Variants in BDNF observed in about 807,000 individuals in gnomAD.
The protein encoded by BDNF is brain derived neurotrophic factor.
Under a neutral mutation model 19.5 loss-of-function variants are expected in BDNF, and 1 was observed. That is an observed-to-expected ratio of 0.05 (90% CI 0.02 to 0.24). The LOEUF (loss-of-function observed/expected upper bound fraction) is 0.24, where lower values mean the gene tolerates loss of function less well. BDNF is among the 10% of genes least tolerant of loss of function. The probability of loss-of-function intolerance (pLI) is 1.00; values close to 1 mark genes in which losing one functional copy is unlikely to be tolerated. For missense variants in BDNF, 195 were observed against 317.6 expected, an observed-to-expected ratio of 0.61 and a Z score of 2.93; for synonymous variants, 100 against 121.6, an observed-to-expected ratio of 0.82 and a Z score of 1.17.
At chr11:27,703,698 T>C (rs1400945739), upstream of BDNF, among the ~76,000 whole-genome samples, 1 of 152,194 alleles carries the variant, frequency 6.6e-6, no homozygotes, top group African/African-American at 2.4e-5. Flanking sequence ...GCAGTTTTAC[T>C]GAGGAAAAGA....
chr11:27,658,811 C>G lies in BDNF; in HGVS notation c.-21-226G>C. On this transcript the variant is annotated intron_variant, in intron 1 of 1. Transcript: ENST00000356660. This position sits in a 1 kb window ranked among gnomAD's most constrained non-coding sequence, Gnocchi z 5.7. Reference sequence around the variant, plus strand: ...ATGCAGTGTTTCCCCCAAGATCTAGCATATAAACCTGAGATTAGATGGCTT... The same window carrying G: ...ATGCAGTGTTTCCCCCAAGATCTAGGATATAAACCTGAGATTAGATGGCTT... 7.1e-7 allele frequency: 1 copy of G among 1,418,158 alleles called. No individual in the cohort carries two copies. The highest frequency in any genetic ancestry group is 9.2e-7 in the Non-Finnish European group (1 of 1,082,502). The allele number at this position is 1,418,158 out of a possible 1,614,324, so 87.8% of individuals were successfully genotyped here.
Position 27,658,630 on chromosome 11 carries a change from T to A in BDNF, c.-21-45A>T. The stretch of plus-strand genomic sequence containing the variant: ...ACAAGACAGAAAACTGGTTAGGGCT[T>A]TCTTTCACCGGGATGCCATGTGGCC... On this transcript the variant is annotated intron_variant, in intron 1 of 1. Coordinates refer to ENST00000356660, the MANE Select transcript of BDNF (RefSeq NM_001709.5). This position sits in a 1 kb window ranked among gnomAD's most constrained non-coding sequence, Gnocchi z 5.7. The A allele has an allele frequency of 2.5e-6, 4 of 1,614,028 alleles. No individual in the cohort carries two copies. The South Asian group carries it at 4.4e-5, about 18-fold the overall frequency.
chr11:27,709,044 G>A (rs966300172), intron 1 of BDNF, among the ~76,000 whole-genome samples: 2 of 151,798 alleles, frequency 1.3e-5, no homozygotes, highest in African/African-American at 4.8e-5. Context: ...GGCCAGGCTG[G>A]TCTCGAACTC....
Position 27,692,121 on chromosome 11 carries a change from C to G in BDNF, c.-22+8043G>C, listed in dbSNP as rs555616175. On this transcript the variant is annotated intron_variant, in intron 1 of 1. Coordinates refer to ENST00000356660, the MANE Select transcript of BDNF (RefSeq NM_001709.5). ...AGAAATGGGAGGGATTTCTGATACTCAATTCATGATGCTAAACACTTCAAG... is the reference window on the plus strand; with the variant it reads ...AGAAATGGGAGGGATTTCTGATACTGAATTCATGATGCTAAACACTTCAAG... Among the ~76,000 whole-genome samples the G allele has an allele frequency of 4.6e-5, 7 of 152,194 alleles. No individual in the cohort carries two copies. The East Asian group carries it at 9.7e-4, about 21-fold the overall frequency.
chr11:27,696,009 CT>C, intron 1 of BDNF, among the ~76,000 whole-genome samples: 1 of 152,188 alleles, frequency 6.6e-6, no homozygotes, highest in South Asian at 2.1e-4. Context: ...ACCACTCCCC[CT>C]CCTCTCCCCT....
chr11:27,699,610 T>C (rs1195082769), intron 1 of BDNF: 2 of 1,465,460 alleles, frequency 1.4e-6, no homozygotes, highest in African/African-American at 2.8e-5. Context: ...CAAGCTACAT[T>C]GGCTTCGGAC....
chr11:27,719,206 A>G (rs1192287215), intron 1 of BDNF, among the ~76,000 whole-genome samples: 1 of 152,042 alleles, frequency 6.6e-6, no homozygotes, highest in Admixed American at 6.5e-5. Flanking sequence ...TCACCCGCCA[A>G]GCCCCTCACC....
intron 1 of BDNF, among the ~76,000 whole-genome samples, chr11:27,691,856 A>T (rs917261422): frequency 6.6e-6 from 1 of 152,222 alleles, no homozygotes; most frequent in Non-Finnish European, 1.5e-5. Context: ...GGAAAACTGT[A>T]ATATCTGAAG....
intron 1 of BDNF, among the ~76,000 whole-genome samples, chr11:27,666,492 T>C (rs981623394): frequency 6.6e-6 from 1 of 152,186 alleles, no homozygotes; most frequent in Non-Finnish European, 1.5e-5. Context: ...TAAAGGAGGA[T>C]GTTTGAACCT....
chr11:27,681,736 T>C (rs1032181086), intron 1 of BDNF, among the ~76,000 whole-genome samples: 1 of 152,142 alleles, frequency 6.6e-6, no homozygotes, highest in African/African-American at 2.4e-5. Flanking sequence ...AAGTATCTTT[T>C]TGGGGGAGCT....
chr11:27,686,743 G>A (rs1435045033), intron 1 of BDNF, among the ~76,000 whole-genome samples: 1 of 152,156 alleles, frequency 6.6e-6, no homozygotes, highest in Non-Finnish European at 1.5e-5. Flanking sequence ...CTTCTGGCTT[G>A]TAGGCTTGTA....
chr11:27,710,622 C>A (rs757901829), intron 1 of BDNF, among the ~76,000 whole-genome samples: 2 of 152,218 alleles, frequency 1.3e-5, no homozygotes, highest in African/African-American at 4.8e-5. Flanking sequence ...ACGTTTTAGA[C>A]TGTGCTTGTC....
At chr11:27,695,352 A>G (rs1349399553) in intron 1 of BDNF, among the ~76,000 whole-genome samples, 2 of 152,188 alleles carry the variant, frequency 1.3e-5, no homozygotes, top group Non-Finnish European at 2.9e-5. Flanking sequence ...CAGTAAGTCA[A>G]TTTGAAGTTC....
At chr11:27,719,098 C>T (rs937062661) in intron 1 of BDNF, among the ~76,000 whole-genome samples, 1 of 152,224 alleles carries the variant, frequency 6.6e-6, no homozygotes, top group Non-Finnish European at 1.5e-5. Context: ...AAGAGGATAA[C>T]GCAGCCGCGC....
chr11:27,674,355 G>A (rs1416817240), intron 1 of BDNF: 23 of 1,528,696 alleles, frequency 1.5e-5, no homozygotes, highest in Non-Finnish European at 9.7e-6. Flanking sequence ...GTAAAGCACA[G>A]GAAAGTGCTC....
At chr11:27,721,282 A>C (rs1026908549) in intron 1 of BDNF, 13 of 1,089,874 alleles carry the variant, frequency 1.2e-5, no homozygotes, top group Non-Finnish European at 1.8e-5. Flanking sequence ...CTGTGTAAAA[A>C]CCCGATTCCC....
intron 1 of BDNF, among the ~76,000 whole-genome samples, chr11:27,694,966 T>A (rs1160174689): frequency 6.6e-6 from 1 of 152,220 alleles, no homozygotes; most frequent in Admixed American, 6.5e-5. Flanking sequence ...CCTGGCATGC[T>A]ATTCTACATT....
chr11:27,712,533 T>G (rs2134106742), intron 1 of BDNF, among the ~76,000 whole-genome samples: 1 of 152,200 alleles, frequency 6.6e-6, no homozygotes, highest in Non-Finnish European at 1.5e-5. Flanking sequence ...TTTTTTTTTT[T>G]TGAGACAAAG....
At position 27,716,450 on chromosome 11, in the gene BDNF, C is replaced by CACACAG. The variant is rs1554950139; in HGVS notation, c.3+4956_3+4961dup. 7.5e-5 allele frequency among the ~76,000 whole-genome samples: 7 copies of CACACAG among 93,390 alleles called. No homozygotes were observed. In the Admixed American group the frequency reaches 8.0e-4, roughly 11 times the overall value. The allele number at this position is 93,390 out of a possible 152,430, so 61.3% of individuals were successfully genotyped here. A position where few individuals can be genotyped will look rare whatever the true frequency, so the allele number is the denominator to read the frequency against. On this transcript the variant is annotated intron_variant, in intron 1 of 1. Transcript: ENST00000314915. ...AGACACACACGCCCATACACACACACACACAGACACACACACACACACACA... is the reference window on the plus strand; with the variant it reads ...AGACACACACGCCCATACACACACACACACAGACACAGACACACACACACACACACA...
Sources: allele counts gnomAD v4.1 joint callset (sites outside exome capture counted in the v4.1 genomes callset), GRCh38; gene constraint gnomAD v4.1.1; non-coding constraint Gnocchi (gnomAD v3.1); transcripts MANE v1.5; gene names NCBI Gene and HGNC (gene_info 2026-07-23, HGNC 2026-07-21).